The following STT3B variants were observed in gnomAD, a reference collection of about 807,000 sequenced individuals.
STT3B encodes the protein STT3 oligosaccharyltransferase complex catalytic subunit B.
A neutral mutation model predicts 96.8 loss-of-function variants in STT3B; 29 were observed. The observed-to-expected ratio is 0.30, with a 90% CI of 0.22 to 0.41. The LOEUF is 0.41. Ranked by LOEUF, STT3B falls within the 10% of genes least tolerant of loss-of-function variation. The pLI is 1.00. For missense variants in STT3B, 640 were observed against 1,022.3 expected, an observed-to-expected ratio of 0.63 and a Z score of 5.10; for synonymous variants, 367 against 360.0, an observed-to-expected ratio of 1.02 and a Z score of -0.22.
chr3:31,536,642 TA>T (rs1243140917), intron 1 of STT3B, among the ~76,000 whole-genome samples: 32 of 152,348 alleles, frequency 2.1e-4, no homozygotes, highest in Admixed American at 1.2e-3. Flanking sequence ...CCAGTTGTCA[TA>T]AGGGGTGATG....
At chr3:31,589,649 CA>C (rs1328061631) in intron 3 of STT3B, among the ~76,000 whole-genome samples, 17 of 151,854 alleles carry the variant, frequency 1.1e-4, no homozygotes, top group African/African-American at 3.6e-4. Flanking sequence ...CTTCATTGTA[CA>C]TTTTTAAATT....
At chr3:31,623,038 C>T (rs1024874254) in intron 10 of STT3B, among the ~76,000 whole-genome samples, 2 of 151,982 alleles carry the variant, frequency 1.3e-5, no homozygotes, top group African/African-American at 4.8e-5. Context: ...GTTAATAAAC[C>T]CACATTCCTG....
At chr3:31,551,293 A>G (rs987631159) in intron 1 of STT3B, among the ~76,000 whole-genome samples, 26 of 151,852 alleles carry the variant, frequency 1.7e-4, no homozygotes. Flanking sequence ...TCGGCTCACT[A>G]CAACCTCCGC....
In STT3B at chr3:31,571,533, G is replaced by T. The variant is rs185855439; in HGVS notation, c.315-4863G>T. Among the ~76,000 whole-genome samples, 257 of 152,236 alleles carry T rather than the reference G, an allele frequency of 1.7e-3. 1 individual carries two copies. Among genetic ancestry groups the T allele is most frequent in the Non-Finnish European group, 1.6e-3 (112 of 68,012 alleles). On this transcript the variant is annotated intron_variant, in intron 1 of 15. Transcript: ENST00000295770. Reference sequence around the variant, plus strand: ...GCCATGTTTTATATCATATGACCCTGCTCTTTTGGCTACAGGTATTGGATT... The same window carrying T: ...GCCATGTTTTATATCATATGACCCTTCTCTTTTGGCTACAGGTATTGGATT...
Position 31,541,761 on chromosome 3 carries a change from A to G in STT3B, c.314+8449A>G, listed in dbSNP as rs1312355617. ...CCGGCTAATTTTTTGTGTTTTTAGC[A>G]GAGACGAGGTTTCACCGTGTTAGCC... On this transcript the variant is annotated intron_variant, in intron 1 of 15. Transcript: ENST00000295770. 3.3e-5 allele frequency among the ~76,000 whole-genome samples: 5 copies of G among 152,160 alleles called. No individual in the cohort carries two copies. In the East Asian group the frequency reaches 5.8e-4, roughly 18 times the overall value.
intron 3 of STT3B, among the ~76,000 whole-genome samples, chr3:31,587,463 T>TA (rs1194383883): frequency 6.6e-6 from 1 of 152,028 alleles, no homozygotes; most frequent in Non-Finnish European, 1.5e-5. Flanking sequence ...AGGCTGGTCT[T>TA]AAACTCCTGG....
chr3:31,556,863 C>A (rs1286157671), intron 1 of STT3B, among the ~76,000 whole-genome samples: 2 of 152,090 alleles, frequency 1.3e-5, no homozygotes, highest in Non-Finnish European at 2.9e-5. Context: ...TTGATTATTT[C>A]CTTTGCTGTG....
intron 6 of STT3B, among the ~76,000 whole-genome samples, chr3:31,616,080 G>A (rs1699301127): frequency 6.6e-6 from 1 of 151,906 alleles, no homozygotes; most frequent in African/African-American, 2.4e-5. Flanking sequence ...GTCTTCAGAA[G>A]TGAAAATTTT....
chr3:31,534,791 A>C (rs1276869101), intron 1 of STT3B, among the ~76,000 whole-genome samples: 3 of 152,140 alleles, frequency 2.0e-5, no homozygotes. Context: ...AGAAGTTTTG[A>C]TTTTGTTTTC....
intron 1 of STT3B, among the ~76,000 whole-genome samples, chr3:31,534,325 T>C (rs1346585671): frequency 6.6e-6 from 1 of 152,214 alleles, no homozygotes; most frequent in African/African-American, 2.4e-5. Context: ...AGACACTACA[T>C]TGGTCTGTGA....
intron 13 of STT3B, among the ~76,000 whole-genome samples, chr3:31,629,059 TCACGCCACTGC>T (rs1324926696): frequency 2.0e-5 from 3 of 152,132 alleles, no homozygotes; most frequent in African/African-American, 7.2e-5. Context: ...TGAGCCACAG[TCACGCCACTGC>T]ACTCCAGCCT....
chr3:31,549,606 A>G (rs1052407229), intron 1 of STT3B, among the ~76,000 whole-genome samples: 2 of 152,156 alleles, frequency 1.3e-5, no homozygotes, highest in Non-Finnish European at 2.9e-5. Context: ...GTATATGACT[A>G]TGGGTCTGAC....
At chr3:31,582,018 T>C (rs1163572363) in intron 3 of STT3B, among the ~76,000 whole-genome samples, 1 of 152,198 alleles carries the variant, frequency 6.6e-6, no homozygotes, top group African/African-American at 2.4e-5. Flanking sequence ...TTCTTCTTGT[T>C]CCCTATGGAA....
chr3:31,594,658 G>A (rs891068626), intron 3 of STT3B, among the ~76,000 whole-genome samples: 45 of 151,984 alleles, frequency 3.0e-4, no homozygotes, highest in African/African-American at 9.4e-4. Flanking sequence ...TCGACCTCGT[G>A]ATCCACCTGA....
chr3:31,625,976 A>C lies in STT3B; in HGVS notation c.1922A>C (p.Asn641Thr). The C allele has an allele frequency of 6.2e-7, 1 of 1,609,140 alleles. No individual in the cohort carries two copies. The highest frequency in any genetic ancestry group is 8.5e-7 in the Non-Finnish European group (1 of 1,178,364). Residue 641 changes from asparagine to threonine, a missense_variant, in exon 13 of 16, where the codon AAT (asparagine) becomes ACT (threonine). Around this residue, in one of 8 missense-constraint regions of STT3B, gnomAD observed 149 missense variants for 250.2 expected, o/e 0.60. Transcript: ENST00000295770. ...IALVGKAMSS[N>T]ETAAYKIMRT... ...CAGGTGGGAAAAGCTATGTCTTCTA[A>C]TGAAACAGCAGCCTATAAAATCATG...
intron 3 of STT3B, among the ~76,000 whole-genome samples, chr3:31,591,054 A>G (rs1010742564): frequency 1.3e-5 from 2 of 152,072 alleles, no homozygotes; most frequent in East Asian, 1.9e-4. Context: ...TTCAAGTTCT[A>G]TCTTCAACAA....
intron 15 of STT3B, among the ~76,000 whole-genome samples, chr3:31,635,045 A>G (rs1699732841): frequency 6.6e-6 from 1 of 152,218 alleles, no homozygotes; most frequent in East Asian, 1.9e-4. Flanking sequence ...TGAATTGAAC[A>G]TCATGGATAA....
At chr3:31,588,863 T>C (rs1395758217) in intron 3 of STT3B, among the ~76,000 whole-genome samples, 1 of 152,084 alleles carries the variant, frequency 6.6e-6, no homozygotes, top group Non-Finnish European at 1.5e-5. Context: ...GATCTGTTTG[T>C]TCTTTTCCCA....
chr3:31,582,302 T>TC lies in STT3B; in HGVS notation c.711+2206_711+2207insC, dbSNP rs1190982829. Among the ~76,000 whole-genome samples the TC allele has an allele frequency of 3.4e-5, 5 of 147,482 alleles. No homozygotes were observed. In the South Asian group the frequency reaches 8.4e-4, roughly 25 times the overall value. On this transcript the variant is annotated intron_variant, in intron 3 of 15. Transcript: ENST00000295770. ...TAGTTTGTTCTTTTTCTTTCCTTCT[T>TC]TTTTTTTTTTTTGGAGACGGAGTCT...
Sources: allele counts gnomAD v4.1 joint callset (sites outside exome capture counted in the v4.1 genomes callset), GRCh38; gene constraint gnomAD v4.1.1; regional missense constraint gnomAD v4.1.1; transcripts MANE v1.5; gene names NCBI Gene and HGNC (gene_info 2026-07-23, HGNC 2026-07-21).